PDE1C: variants seen among roughly 807,000 people sequenced by gnomAD.
The protein encoded by PDE1C is dual specificity calcium/calmodulin-dependent 3',5'-cyclic nucleotide phosphodiesterase 1C.
PDE1C carries 62 observed loss-of-function variants against 93.1 expected under a neutral mutation model. The ratio of observed to expected loss-of-function variants is 0.67; its 90% CI spans 0.54 to 0.82. The LOEUF (loss-of-function observed/expected upper bound fraction) is 0.82. PDE1C is among the 40% of genes least tolerant of loss of function. The pLI is 0.00. For missense variants in PDE1C, 742 were observed against 884.6 expected (o/e 0.84, Z 2.04); for synonymous variants, 325 against 310.1 (o/e 1.05, Z -0.50).
intron 7 of PDE1C, among the ~76,000 whole-genome samples, chr7:31,851,374 C>G (rs1166446009): frequency 6.6e-6 from 1 of 152,116 alleles, no homozygotes; most frequent in Non-Finnish European, 1.5e-5. Flanking sequence ...ATTCTTCAGC[C>G]CCACCCCAAT....
In PDE1C at chr7:31,788,884, G is replaced by C. The variant is rs183467674; in HGVS notation, c.1892-13152C>G. On this transcript the variant is annotated intron_variant, in intron 16 of 17. Transcript: ENST00000396191. ...TTGGGGAACATTTTGGCAAGGCAAA[G>C]GTCCAGGAAGACCACATACAGTCTC... The C allele has an allele frequency of 9.5e-4, 144 of 152,252 alleles. 2 individuals are homozygous for C. The highest frequency in any genetic ancestry group is 3.4e-3 in the African/African-American group (142 of 41,550). The allele number at this position is 152,252 out of a possible 1,614,324, so 9.4% of individuals were successfully genotyped here. A position where few individuals can be genotyped will look rare whatever the true frequency, so the allele number is the denominator to read the frequency against.
chr7:32,023,641 G>GT (rs1789010357), intron 2 of PDE1C, among the ~76,000 whole-genome samples: 1 of 149,472 alleles, frequency 6.7e-6, no homozygotes, highest in African/African-American at 2.5e-5. Context: ...TGCTGCGTGA[G>GT]AAAAAAAAAA....
intron 1 of PDE1C, among the ~76,000 whole-genome samples, chr7:32,324,303 G>C (rs1783359100): frequency 6.6e-6 from 1 of 152,136 alleles, no homozygotes; most frequent in Non-Finnish European, 1.5e-5. Context: ...AAGATAGAAA[G>C]CTCTGGATAA....
chr7:31,627,178 G>A, the PDE1C span, among the ~76,000 whole-genome samples: 9 of 152,242 alleles, frequency 5.9e-5, no homozygotes, highest in East Asian at 1.2e-3. Context: ...AGTATTCCCC[G>A]TTGTCCATGC....
the PDE1C span, among the ~76,000 whole-genome samples, chr7:31,669,864 G>A: frequency 8.5e-5 from 13 of 152,242 alleles, no homozygotes; most frequent in Admixed American, 3.9e-4. Context: ...AGTAAAAAAG[G>A]ACAAAATACC....
At chr7:31,855,357 A>G (rs947791622) in intron 7 of PDE1C, among the ~76,000 whole-genome samples, 1 of 152,066 alleles carries the variant, frequency 6.6e-6, no homozygotes, top group African/African-American at 2.4e-5. Context: ...CTTTGGCCAT[A>G]TCTCCTTGAC....
At chr7:32,133,175 T>A (rs961213156) in intron 3 of PDE1C, among the ~76,000 whole-genome samples, 2 of 152,158 alleles carry the variant, frequency 1.3e-5, no homozygotes, top group African/African-American at 2.4e-5. Flanking sequence ...GTCATGGACA[T>A]ATATACAGCG....
chr7:31,876,267 C>A (rs141021309), intron 5 of PDE1C, among the ~76,000 whole-genome samples: 115 of 152,258 alleles, frequency 7.6e-4, no homozygotes, highest in African/African-American at 2.6e-3. Flanking sequence ...CACATATCAA[C>A]AATATATGTG....
intron 2 of PDE1C, among the ~76,000 whole-genome samples, chr7:31,963,215 A>C (rs905663710): frequency 6.6e-6 from 1 of 152,196 alleles, no homozygotes; most frequent in South Asian, 2.1e-4. Context: ...TACATATATT[A>C]TCTTATTCAA....
chr7:32,390,894 A>C (rs1784737217), intron 1 of PDE1C, among the ~76,000 whole-genome samples: 1 of 152,118 alleles, frequency 6.6e-6, no homozygotes, highest in Admixed American at 6.6e-5. Context: ...TTATAGTAAA[A>C]TAAAATTAAA....
chr7:31,714,964 T>C, the PDE1C span, among the ~76,000 whole-genome samples: 1 of 151,998 alleles, frequency 6.6e-6, no homozygotes, highest in Non-Finnish European at 1.5e-5. Context: ...GGGCAGGGGG[T>C]GCTGTCCTTT....
At chr7:31,944,008 C>T (rs1584108915) in intron 2 of PDE1C, among the ~76,000 whole-genome samples, 1 of 152,136 alleles carries the variant, frequency 6.6e-6, no homozygotes, top group Non-Finnish European at 1.5e-5. Flanking sequence ...TAACTGTAGG[C>T]AAGCAGAGCT....
intron 2 of PDE1C, among the ~76,000 whole-genome samples, chr7:32,019,526 A>G (rs1788369915): frequency 6.6e-6 from 1 of 152,120 alleles, no homozygotes; most frequent in South Asian, 2.1e-4. Context: ...ACCTGATAAC[A>G]TTCATGTTTT....
chr7:31,796,997 G>C (rs1207369011), intron 16 of PDE1C, among the ~76,000 whole-genome samples: 2 of 151,722 alleles, frequency 1.3e-5, no homozygotes, highest in Non-Finnish European at 3.0e-5. Context: ...AGGGACATTG[G>C]AGTGGAGAGT....
intron 15 of PDE1C, among the ~76,000 whole-genome samples, chr7:31,811,617 A>G (rs3807618): frequency 0.13 from 20,499 of 152,048 alleles, 1,713 homozygotes; most frequent in Middle Eastern, 0.23. Flanking sequence ...TCTTCCCTCA[A>G]TGAGCCCCCA....
chr7:32,016,701 G>T (rs1787954675), intron 2 of PDE1C, among the ~76,000 whole-genome samples: 1 of 152,154 alleles, frequency 6.6e-6, no homozygotes, highest in South Asian at 2.1e-4. Context: ...TTTAGATATA[G>T]AAGGAAGGAA....
At chr7:31,859,056 A>C (rs1365626020) in intron 7 of PDE1C, among the ~76,000 whole-genome samples, 1 of 150,970 alleles carries the variant, frequency 6.6e-6, no homozygotes, top group South Asian at 2.1e-4. Flanking sequence ...ATGAACTATT[A>C]AGATTTTCTT....
chr7:31,834,773 T>C (rs553951535), intron 11 of PDE1C, among the ~76,000 whole-genome samples: 2 of 152,198 alleles, frequency 1.3e-5, no homozygotes, highest in Admixed American at 1.3e-4. Flanking sequence ...TTTGAGTTAA[T>C]GCAGAAATGA....
chr7:31,715,989 G>C, the PDE1C span, among the ~76,000 whole-genome samples: 5 of 152,258 alleles, frequency 3.3e-5, no homozygotes, highest in African/African-American at 1.2e-4. Flanking sequence ...GGGACCTCCT[G>C]TTACAAAGAT....
Sources: allele counts gnomAD v4.1 joint callset (sites outside exome capture counted in the v4.1 genomes callset), GRCh38; gene constraint gnomAD v4.1.1; transcripts MANE v1.5; gene names NCBI Gene and HGNC (gene_info 2026-07-23, HGNC 2026-07-21).